GPATCH2: variants seen among roughly 807,000 people sequenced by gnomAD.
The protein encoded by GPATCH2 is G-patch domain containing 2, also known as G patch domain-containing protein 2.
In GPATCH2, 51 loss-of-function variants were observed where a neutral mutation model predicts 58.0. The observed-to-expected ratio is 0.88, with a 90% CI of 0.70 to 1.11. GPATCH2 has a LOEUF of 1.11. Ranked by LOEUF, GPATCH2 falls within the 50% of genes most tolerant of loss-of-function variation. GPATCH2 has a pLI of 0.00. For missense variants in GPATCH2, 625 were observed against 652.2 expected (o/e 0.96, Z 0.45); for synonymous variants, 222 against 218.5 (o/e 1.02, Z -0.14).
intron 9 of GPATCH2, among the ~76,000 whole-genome samples, chr1:217,431,836 CA>C (rs1466427944): frequency 6.6e-6 from 1 of 152,116 alleles, no homozygotes; most frequent in Non-Finnish European, 1.5e-5. Flanking sequence ...TCAACAGAAC[CA>C]AAACTAAAAC....
intron 6 of GPATCH2, among the ~76,000 whole-genome samples, chr1:217,509,228 C>T (rs1017303259): frequency 1.3e-5 from 2 of 152,054 alleles, no homozygotes; most frequent in Non-Finnish European, 2.9e-5. Context: ...CTAGTCCCAG[C>T]TACTTAGGAG....
chr1:217,473,538 G>A (rs1234339715), intron 8 of GPATCH2, among the ~76,000 whole-genome samples: 1 of 151,816 alleles, frequency 6.6e-6, no homozygotes, highest in Non-Finnish European at 1.5e-5. Context: ...AGAATGGCAC[G>A]AACAAACCCT....
chr1:217,620,082 CAG>C lies in GPATCH2; in HGVS notation c.472_473del (p.Leu158AlafsTer19). ...FAVDNVGNRT[L>X]RRRRKVKRMA... The stretch of plus-strand genomic sequence containing the variant: ...TGCGTTTTACCTTTCTCCTCCTGCG[CAG>C]AGTTCTATTCCCAACATTGTCCACA... On this transcript the variant is annotated frameshift_variant, in exon 2 of 10. Coordinates refer to ENST00000366935, the MANE Select transcript of GPATCH2 (RefSeq NM_018040.5). LOFTEE classifies it high-confidence loss of function. The C allele has an allele frequency of 1.2e-6, 2 of 1,614,058 alleles. No homozygotes were observed. Among genetic ancestry groups the C allele is most frequent in the Non-Finnish European group, 1.7e-6 (2 of 1,180,016 alleles).
intron 9 of GPATCH2, among the ~76,000 whole-genome samples, chr1:217,444,773 C>T: frequency 6.6e-6 from 1 of 152,056 alleles, no homozygotes; most frequent in East Asian, 1.9e-4. Context: ...GAAAGAGCTA[C>T]AATAATCTAC....
At chr1:217,456,818 T>C (rs774045696) in intron 8 of GPATCH2, among the ~76,000 whole-genome samples, 3 of 152,162 alleles carry the variant, frequency 2.0e-5, no homozygotes, top group Non-Finnish European at 4.4e-5. Flanking sequence ...CATATATAGG[T>C]CACCTTTTAA....
At chr1:217,465,374 A>G (rs1391935228) in intron 8 of GPATCH2, among the ~76,000 whole-genome samples, 1 of 152,184 alleles carries the variant, frequency 6.6e-6, no homozygotes, top group Non-Finnish European at 1.5e-5. Flanking sequence ...TCAAAGCAAC[A>G]AAACAAAACA....
In GPATCH2 at chr1:217,610,965, G is replaced by T; in HGVS notation, c.942C>A (p.Asp314Glu). 6.2e-7 allele frequency: 1 copy of T among 1,613,258 alleles called. No homozygotes were observed. Among genetic ancestry groups the T allele is most frequent in the South Asian group, 1.1e-5 (1 of 91,050 alleles). The change falls in exon 4 of 10, where the codon GAC becomes GAA. Residue 314 changes from aspartate to glutamate, a missense_variant. Physicochemically the swap from Asp to Glu is conservative, Grantham distance 45. Transcript: ENST00000366935. Reference protein sequence around the residue: ...WWEKEDPTELDKNVPDPVFES... With the variant: ...WWEKEDPTELEKNVPDPVFES... ...CAAAGACAGGATCTGGTACATTTTT[G>T]TCTAGCTCAGTAGGATCTTCCTTTT...
intron 5 of GPATCH2, among the ~76,000 whole-genome samples, chr1:217,523,050 T>C (rs1232054707): frequency 6.6e-6 from 1 of 151,828 alleles, no homozygotes; most frequent in Non-Finnish European, 1.5e-5. Context: ...TTATTGCTCC[T>C]ATGTTTGGGT....
chr1:217,571,572 G>T (rs1666541270), intron 5 of GPATCH2, among the ~76,000 whole-genome samples: 1 of 151,026 alleles, frequency 6.6e-6, no homozygotes, highest in Non-Finnish European at 1.5e-5. Context: ...TTGGAAAAGG[G>T]TGAAAAATAA....
At chr1:217,506,406 C>G (rs747011344) in intron 6 of GPATCH2, among the ~76,000 whole-genome samples, 1 of 152,108 alleles carries the variant, frequency 6.6e-6, no homozygotes, top group Non-Finnish European at 1.5e-5. Flanking sequence ...ATGCCAAACT[C>G]CTAACCCAAT....
At chr1:217,571,833 G>A (rs1252375552) in intron 5 of GPATCH2, among the ~76,000 whole-genome samples, 1 of 151,732 alleles carries the variant, frequency 6.6e-6, no homozygotes, top group Non-Finnish European at 1.5e-5. Context: ...GTCAAGAGAT[G>A]GAGGTTGCAG....
At chr1:217,532,230 CGAT>C (rs1409999221) in intron 5 of GPATCH2, among the ~76,000 whole-genome samples, 8 of 152,102 alleles carry the variant, frequency 5.3e-5, no homozygotes, top group African/African-American at 9.7e-5. Flanking sequence ...TTTCAACAAA[CGAT>C]GATTGAGCAC....
chr1:217,623,027 T>C (rs1365283810), intron 1 of GPATCH2, among the ~76,000 whole-genome samples: 1 of 152,250 alleles, frequency 6.6e-6, no homozygotes, highest in Non-Finnish European at 1.5e-5. Context: ...TTTTGTTCTT[T>C]TCCTGTGACA....
chr1:217,551,270 ACACAGG>A (rs1341556529), intron 5 of GPATCH2, among the ~76,000 whole-genome samples: 7 of 152,134 alleles, frequency 4.6e-5, no homozygotes, highest in Non-Finnish European at 8.8e-5. Context: ...GTTACTAAAC[ACACAGG>A]CAAGGTATCA....
intron 5 of GPATCH2, among the ~76,000 whole-genome samples, chr1:217,526,297 C>G (rs975852590): frequency 6.6e-6 from 1 of 152,078 alleles, no homozygotes; most frequent in Non-Finnish European, 1.5e-5. Flanking sequence ...GGCTGTTCTC[C>G]TAAAACAAAC....
At chr1:217,598,281 G>A (rs1191661914) in intron 5 of GPATCH2, among the ~76,000 whole-genome samples, 3 of 151,828 alleles carry the variant, frequency 2.0e-5, no homozygotes, top group Admixed American at 6.6e-5. Context: ...CCAGCTACTT[G>A]GGAGGCTGAG....
rs557938663 is a variant in GPATCH2 at position 217,454,198 on chromosome 1, T to TAGCTTTTTTTCCTTTAGTACCC, written c.1278-4883_1278-4862dup. Among the ~76,000 whole-genome samples, 22 of 152,302 alleles carry TAGCTTTTTTTCCTTTAGTACCC rather than the reference T, an allele frequency of 1.4e-4. No homozygotes were observed. In the South Asian group the frequency reaches 4.6e-3, roughly 32 times the overall value. ...AACTGAACAGACAGACATCAGTATC[T>TAGCTTTTTTTCCTTTAGTACCC]AGCTTTTTTTCCTTTAGTACCCAAA... On this transcript the variant is annotated intron_variant, in intron 8 of 9. Coordinates refer to ENST00000366935, the MANE Select transcript of GPATCH2 (RefSeq NM_018040.5).
chr1:217,603,224 C>T (rs17723132), intron 5 of GPATCH2, among the ~76,000 whole-genome samples: 51,384 of 151,856 alleles, frequency 0.34, 9,037 homozygotes, highest in Non-Finnish European at 0.39. Flanking sequence ...CAAGCCAATT[C>T]GAAGACTAAG....
At chr1:217,570,041 G>A (rs961448638) in intron 5 of GPATCH2, among the ~76,000 whole-genome samples, 2 of 152,098 alleles carry the variant, frequency 1.3e-5, no homozygotes, top group Non-Finnish European at 2.9e-5. Context: ...AATATAATCA[G>A]TAAATGTATG....
Sources: allele counts gnomAD v4.1 joint callset (sites outside exome capture counted in the v4.1 genomes callset), GRCh38; gene constraint gnomAD v4.1.1; transcripts MANE v1.5; gene names NCBI Gene and HGNC (gene_info 2026-07-23, HGNC 2026-07-21).